NACC2: variants seen among roughly 807,000 people sequenced by gnomAD.
The protein encoded by NACC2 is NACC family member 2, also known as nucleus accumbens-associated protein 2.
NACC2 carries 8 observed loss-of-function variants against 25.1 expected under a neutral mutation model. The observed-to-expected ratio is 0.32, with a 90% CI of 0.19 to 0.57. The LOEUF is 0.57. Among genes scored for constraint, NACC2 ranks in the 20% least tolerant of loss-of-function variants. The pLI is 0.89. For synonymous variants in NACC2, 435 were observed against 294.7 expected (o/e 1.48, Z -4.88); for missense variants, 644 against 650.2 (o/e 0.99, Z 0.10).
intron 1 of NACC2, among the ~76,000 whole-genome samples, chr9:136,063,755 C>T (rs1184287105): frequency 2.6e-5 from 4 of 151,718 alleles, no homozygotes; most frequent in Non-Finnish European, 4.4e-5. Flanking sequence ...TGGTGGTGGG[C>T]GCCTATTATC....
chr9:136,014,010 G>C, intron 3 of NACC2, 41 bp from the exon 4 acceptor site: 1 of 1,513,248 alleles, frequency 6.6e-7, no homozygotes, highest in Non-Finnish European at 9.0e-7. Context: ...GGCCTTCCCG[G>C]GCCATAGGGT....
chr9:136,030,331 C>T (rs534329610), intron 2 of NACC2, among the ~76,000 whole-genome samples: 3 of 151,954 alleles, frequency 2.0e-5, no homozygotes, highest in South Asian at 2.1e-4. Flanking sequence ...TACTGGAGGC[C>T]GGGCGCGGTG....
rs1446841244 is a variant in NACC2, at chr9:136,011,476, G to A, written c.*40C>T. 6.7e-6 allele frequency: 9 copies of A among 1,346,688 alleles called. No homozygotes were observed. Among genetic ancestry groups the A allele is most frequent in the African/African-American group, 1.5e-5 (1 of 66,146 alleles). 83.4% of individuals were successfully genotyped at this position (1,346,688 alleles called of 1,614,324 possible). On this transcript the variant is annotated 3_prime_UTR_variant, in exon 6 of 6. Coordinates refer to ENST00000277554, the MANE Select transcript of NACC2 (RefSeq NM_144653.5). ...TTTGTATTAGTAACGCATGCAAGCA[G>A]CTCTAGTACTCGGTCCCTCGCGCAG...
rs1329152960 is a variant in NACC2, at chr9:136,010,184, C to T, written c.*1332G>A. On this transcript the variant is annotated 3_prime_UTR_variant, in exon 6 of 6. Transcript: ENST00000277554. The surrounding 1 kb of genome is among the most constrained non-coding windows in gnomAD (Gnocchi z 4.9). ...TGGGCCCTTCCTCCACTGTCCCTGG[C>T]CCCCCAACATGATCCCTAACCCTCT... 6.6e-6 allele frequency: 1 copy of T among 152,456 alleles called. No homozygotes were observed. The highest frequency in any genetic ancestry group is 1.5e-5 in the Non-Finnish European group (1 of 68,220). The allele number at this position is 152,456 out of a possible 1,614,324, so 9.4% of individuals were successfully genotyped here. A position where few individuals can be genotyped will look rare whatever the true frequency, so the allele number is the denominator to read the frequency against.
chr9:136,060,606 C>T (rs944721849), intron 1 of NACC2, among the ~76,000 whole-genome samples: 1 of 152,258 alleles, frequency 6.6e-6, no homozygotes, highest in Non-Finnish European at 1.5e-5. Flanking sequence ...AAGGCCAAGC[C>T]CTGCTTGATC....
At chr9:136,016,116 C>T in intron 3 of NACC2, 149 bp downstream of exon 3, 3 of 822,312 alleles carry the variant, frequency 3.6e-6, no homozygotes, top group South Asian at 1.9e-5. Context: ...CTCTTAATGA[C>T]ACATTCTTCT....
chr9:136,034,831 T>C (rs1274174941), intron 2 of NACC2, among the ~76,000 whole-genome samples: 1 of 152,150 alleles, frequency 6.6e-6, no homozygotes, highest in Non-Finnish European at 1.5e-5. Flanking sequence ...CAGTGGCTCA[T>C]GCCTGTAACC....
At chr9:136,069,214 G>A (rs1841122178) in intron 1 of NACC2, among the ~76,000 whole-genome samples, 1 of 146,006 alleles carries the variant, frequency 6.8e-6, no homozygotes, top group African/African-American at 2.8e-5. Flanking sequence ...CCTGAGGTGA[G>A]TTTCTTTTAG....
chr9:136,031,548 G>A (rs1187651001), intron 2 of NACC2, among the ~76,000 whole-genome samples: 1 of 152,152 alleles, frequency 6.6e-6, no homozygotes, highest in Non-Finnish European at 1.5e-5. Context: ...GTGTCGGCCA[G>A]GCTGGTCTCG....
intron 1 of NACC2, among the ~76,000 whole-genome samples, chr9:136,075,255 A>T (rs1009050885): frequency 1.3e-5 from 2 of 152,202 alleles, no homozygotes; most frequent in African/African-American, 4.8e-5. Context: ...TCCAGGACAC[A>T]TTCTGGTCCA....
At chr9:136,048,216 G>A (rs1840758301) in intron 2 of NACC2, among the ~76,000 whole-genome samples, 2 of 152,190 alleles carry the variant, frequency 1.3e-5, no homozygotes, top group South Asian at 4.1e-4. Context: ...CAGGGGCCCT[G>A]GGTGGGCCTT....
intron 1 of NACC2, among the ~76,000 whole-genome samples, chr9:136,058,400 C>T (rs1023394865): frequency 2.6e-5 from 4 of 152,204 alleles, no homozygotes; most frequent in Non-Finnish European, 4.4e-5. Context: ...CAGGGGTGTC[C>T]GGCGGAAGCA....
In NACC2 at chr9:136,018,795, A is replaced by G. The variant is rs79557243; in HGVS notation, c.887-2366T>C. Among the ~76,000 whole-genome samples, 1,772 of 152,236 alleles carry G rather than the reference A, an allele frequency of 0.012. 39 individuals are homozygous for G. Among genetic ancestry groups the G allele is most frequent in the African/African-American group, 0.036 (1,515 of 41,522 alleles). On this transcript the variant is annotated intron_variant, in intron 2 of 5. Coordinates refer to ENST00000277554, the MANE Select transcript of NACC2 (RefSeq NM_144653.5). This position sits in a 1 kb window ranked among gnomAD's most constrained non-coding sequence, Gnocchi z 4.4. Reference sequence around the variant, plus strand: ...AACAACCCGGGTGGTATTTTAAAACATAATTACACACCCCCACCCCCGGTG... The same window carrying G: ...AACAACCCGGGTGGTATTTTAAAACGTAATTACACACCCCCACCCCCGGTG...
At chr9:136,062,028 G>A (rs1247466330) in intron 1 of NACC2, among the ~76,000 whole-genome samples, 1 of 152,098 alleles carries the variant, frequency 6.6e-6, no homozygotes, top group East Asian at 1.9e-4. Context: ...GCTGAGGCAG[G>A]AGAATCGCTT....
intron 1 of NACC2, among the ~76,000 whole-genome samples, chr9:136,063,798 A>C (rs1031245745): frequency 1.1e-4 from 17 of 151,144 alleles, no homozygotes; most frequent in African/African-American, 3.9e-4. Flanking sequence ...TAGGAGAATC[A>C]CTTGAACCCG....
intron 2 of NACC2, among the ~76,000 whole-genome samples, chr9:136,023,967 A>T (rs1203941652): frequency 3.9e-5 from 6 of 152,134 alleles, no homozygotes; most frequent in African/African-American, 1.4e-4. Context: ...CCCCCCACAC[A>T]CACGTGCACA....
chr9:136,042,545 C>T (rs1460983556), intron 2 of NACC2, among the ~76,000 whole-genome samples: 2 of 152,196 alleles, frequency 1.3e-5, no homozygotes, highest in East Asian at 3.8e-4. Context: ...CTTCCCACTA[C>T]CTGACCCCTT....
Position 136,016,380 on chromosome 9 carries a change from G to A in NACC2, c.936C>T (p.Leu312=), listed in dbSNP as rs1189737869. 24 of 1,611,436 alleles carry A rather than the reference G, an allele frequency of 1.5e-5. No individual in the cohort carries two copies. Among genetic ancestry groups the A allele is most frequent in the Non-Finnish European group, 1.9e-5 (23 of 1,179,894 alleles). ...PVPLESRSCV[L]IRRDLVALPA... ...GTAGGGCCACGAGGTCGCGGCGGAT[G>A]AGGACGCAGGAGCGGCTCTCCAGCG... The change falls in exon 3 of 6, where the codon CTC becomes CTT. Residue 312 remains leucine, a synonymous_variant. Coordinates refer to ENST00000277554, the MANE Select transcript of NACC2 (RefSeq NM_144653.5).
chr9:136,029,267 G>A (rs994238272), intron 2 of NACC2, among the ~76,000 whole-genome samples: 5 of 152,172 alleles, frequency 3.3e-5, no homozygotes, highest in Non-Finnish European at 5.9e-5. Flanking sequence ...TACCTGAGGA[G>A]GGGAGCTACC....
Sources: gnomAD v4.1 joint callset for allele counts (sites outside exome capture counted in the v4.1 genomes callset) on GRCh38, gnomAD v4.1.1 for gene constraint, Gnocchi (gnomAD v3.1) non-coding constraint, MANE v1.5 for transcripts, NCBI Gene and HGNC (gene_info 2026-07-23, HGNC 2026-07-21) for gene names.